POF1B: variants seen among roughly 807,000 people sequenced by gnomAD.
The protein encoded by POF1B is POF1B actin binding protein.
A neutral mutation model predicts 55.3 loss-of-function variants in POF1B; 53 were observed. The ratio of observed to expected loss-of-function variants is 0.96; its 90% CI spans 0.77 to 1.20. The LOEUF (loss-of-function observed/expected upper bound fraction) is 1.20. Among genes scored for constraint, POF1B ranks in the 50% most tolerant of loss-of-function variants. The probability of loss-of-function intolerance (pLI) is 0.00; values close to 1 mark genes in which losing one functional copy is unlikely to be tolerated. For synonymous variants in POF1B, 188 were observed against 148.3 expected (o/e 1.27, Z -1.95); for missense variants, 478 against 420.5 (o/e 1.14, Z -1.20).
chrX:85,359,030 A>C (rs1258804711), intron 4 of POF1B, among the ~76,000 whole-genome samples: 1 of 111,218 alleles, frequency 9.0e-6, no homozygotes, highest in Non-Finnish European at 1.9e-5. Context: ...CTCAGTAAAA[A>C]AATGTAATTT....
intron 13 of POF1B, 116 bp downstream of exon 13, chrX:85,305,675 T>G: frequency 1.3e-6 from 1 of 795,628 alleles, no homozygotes; most frequent in Non-Finnish European, 1.8e-6. Flanking sequence ...CATGACATAT[T>G]TCTAAAACTC....
At chrX:85,321,306 G>T (rs1396767623) in intron 7 of POF1B, among the ~76,000 whole-genome samples, 1 of 110,889 alleles carries the variant, frequency 9.0e-6, no homozygotes, top group African/African-American at 3.3e-5. Flanking sequence ...ATCAATAAAT[G>T]TAATACAGCA....
intron 8 of POF1B, 35 bp downstream of exon 8, chrX:85,315,672 T>C (rs913744641): frequency 1.8e-6 from 2 of 1,097,897 alleles, no homozygotes; most frequent in Non-Finnish European, 1.2e-6. Flanking sequence ...TTTGTTATTA[T>C]ACTATATTCG....
At chrX:85,316,411 C>G (rs773009453) in intron 7 of POF1B, among the ~76,000 whole-genome samples, 5 of 111,015 alleles carry the variant, frequency 4.5e-5, no homozygotes, top group African/African-American at 1.6e-4. Context: ...TAGGAAAATG[C>G]TGAAGGAGAA....
rs774994912 is a variant in POF1B, at chrX:85,277,871, T to G, written c.*1550A>C. 8.1e-5 allele frequency: 9 copies of G among 111,369 alleles called. No homozygotes were observed. The East Asian group carries it at 2.6e-3, about 32-fold the overall frequency. The allele number at this position is 111,369 out of a possible 1,213,427, so 9.2% of individuals were successfully genotyped here. Reference sequence around the variant, plus strand: ...AAACTTCCCCTTATATTATTTGTAATGTGTGCATAACATAGTACACTTTTG... The same window carrying G: ...AAACTTCCCCTTATATTATTTGTAAGGTGTGCATAACATAGTACACTTTTG... On this transcript the variant is annotated 3_prime_UTR_variant, in exon 17 of 17. Transcript: ENST00000262753.
chrX:85,311,666 T>A (rs1253952467), intron 9 of POF1B, among the ~76,000 whole-genome samples: 4 of 112,111 alleles, frequency 3.6e-5, no homozygotes, highest in African/African-American at 1.3e-4. Flanking sequence ...GCATGTGTAT[T>A]TATAGTAGAA....
chrX:85,344,398 T>A (rs1055535724), intron 6 of POF1B, among the ~76,000 whole-genome samples: 2 of 111,504 alleles, frequency 1.8e-5, no homozygotes, highest in African/African-American at 6.5e-5. Flanking sequence ...CCTTCCTTGA[T>A]CTCTCAGCCA....
intron 15 of POF1B, among the ~76,000 whole-genome samples, chrX:85,301,813 C>T (rs1418970186): frequency 1.8e-5 from 2 of 111,778 alleles, no homozygotes; most frequent in African/African-American, 6.5e-5. Context: ...TTATGAATTA[C>T]ATTAAATGTA....
Position 85,304,343 on chromosome X carries a change from C to T in POF1B, c.1566G>A (p.Glu522=), listed in dbSNP as rs1264094597. The T allele has an allele frequency of 1.7e-6, 2 of 1,180,518 alleles. No homozygotes were observed. Among genetic ancestry groups the T allele is most frequent in the East Asian group, 6.1e-5 (2 of 32,649 alleles). The stretch of plus-strand genomic sequence containing the variant: ...CCATCCCCACCCCTTCCTTTTATAC[C>T]TCTGACTGACGCTTTATGAGGGAAT... ...EKDSLIKRQS[E]ELSKLRQEIY... Residue 522 remains glutamate, a splice_region_variant and synonymous_variant, in exon 14 of 17, where the codon GAG becomes GAA. Transcript: ENST00000262753.
intron 9 of POF1B, among the ~76,000 whole-genome samples, chrX:85,308,905 T>C (rs1457903174): frequency 9.0e-6 from 1 of 111,097 alleles, no homozygotes; most frequent in Non-Finnish European, 1.9e-5. Context: ...CTCGAACTCC[T>C]GACCTCAAGT....
rs775208367 is a variant in POF1B at position 85,293,355 on chromosome X, C to T, written c.1649+10051G>A. ...TATGCACCCATAAAAAGAACAAGAT[C>T]ATATCCTTTTCAGGGACATGCATGG... is the stretch of plus-strand genomic sequence containing the variant. On this transcript the variant is annotated intron_variant, in intron 15 of 16. Transcript: ENST00000262753. Among the ~76,000 whole-genome samples the T allele has an allele frequency of 1.8e-3, 200 of 111,953 alleles. 1 individual carries two copies. Among genetic ancestry groups the T allele is most frequent in the African/African-American group, 6.2e-3 (191 of 30,805 alleles).
intron 6 of POF1B, among the ~76,000 whole-genome samples, 176 bp downstream of exon 6, chrX:85,345,684 T>C (rs1318691495): frequency 9.0e-6 from 1 of 111,554 alleles, no homozygotes; most frequent in East Asian, 2.8e-4. Flanking sequence ...TAAATTGTTT[T>C]GTCTTCTGAG....
intron 7 of POF1B, among the ~76,000 whole-genome samples, chrX:85,328,168 TTTTATTTATTTATTTATTTATTTA>T (rs200508166): frequency 3.0e-5 from 3 of 100,498 alleles, no homozygotes; most frequent in Admixed American, 1.1e-4. Context: ...ACAATATCTT[TTTTATTTATTTATTTATTTATTTA>T]TTTATTTATT....
At chrX:85,365,838 C>G (rs1775596301) in intron 3 of POF1B, among the ~76,000 whole-genome samples, 1 of 111,105 alleles carries the variant, frequency 9.0e-6, no homozygotes, top group Non-Finnish European at 1.9e-5. Context: ...CTCCTGGGAG[C>G]TCCACCCAGG....
chrX:85,345,822 T>A, intron 6 of POF1B, 38 bp downstream of exon 6: 1 of 1,109,507 alleles, frequency 9.0e-7, no homozygotes, highest in Non-Finnish European at 1.2e-6. Flanking sequence ...TCAAGAACAT[T>A]ATTTCAGTTT....
At chrX:85,287,060 A>G (rs1422661874) in intron 15 of POF1B, among the ~76,000 whole-genome samples, 2 of 111,861 alleles carry the variant, frequency 1.8e-5, no homozygotes, top group African/African-American at 6.5e-5. Context: ...AATGCAAATG[A>G]AAATATAACT....
intron 8 of POF1B, 25 bp from the exon 9 acceptor site, chrX:85,314,531 T>C (rs1427921443): frequency 9.1e-7 from 1 of 1,098,549 alleles, no homozygotes; most frequent in African/African-American, 1.8e-5. Flanking sequence ...GGCTTATCCA[T>C]GGAACAGATA....
At chrX:85,370,160 C>T (rs1933794351) in intron 2 of POF1B, among the ~76,000 whole-genome samples, 1 of 111,985 alleles carries the variant, frequency 8.9e-6, no homozygotes, top group South Asian at 3.7e-4. Flanking sequence ...CAGATAAAGA[C>T]ATTTATTTAT....
intron 6 of POF1B, among the ~76,000 whole-genome samples, chrX:85,339,079 T>G (rs764598132): frequency 9.0e-6 from 1 of 110,959 alleles, no homozygotes; most frequent in Non-Finnish European, 1.9e-5. Context: ...TACTTGAGAA[T>G]GGACAATTTA....
Sources: gnomAD v4.1 joint callset for allele counts (sites outside exome capture counted in the v4.1 genomes callset) on GRCh38, gnomAD v4.1.1 for gene constraint, MANE v1.5 for transcripts, NCBI Gene and HGNC (gene_info 2026-07-23, HGNC 2026-07-21) for gene names.